Variants in MAGI1 observed in about 807,000 individuals in gnomAD.
The protein encoded by MAGI1 is membrane-associated guanylate kinase, WW and PDZ domain-containing protein 1.
MAGI1 carries 58 observed loss-of-function variants against 139.9 expected under a neutral mutation model. That is an observed-to-expected ratio of 0.41 (90% CI 0.34 to 0.52). The LOEUF is 0.52. Among genes scored for constraint, MAGI1 ranks in the 20% least tolerant of loss-of-function variants. The pLI is 0.12. For missense variants in MAGI1, 1,874 were observed against 1,901.6 expected (o/e 0.99, Z 0.27); for synonymous variants, 812 against 737.9 (o/e 1.10, Z -1.63).
rs548306766 is a variant in MAGI1 at position 65,429,378 on chromosome 3, G to A, written c.2167+142C>T. 7.3e-6 allele frequency: 6 copies of A among 824,424 alleles called. No individual in the cohort carries two copies. In the Admixed American group the frequency reaches 7.8e-5, roughly 11 times the overall value. The allele number at this position is 824,424 out of a possible 1,614,324, so 51.1% of individuals were successfully genotyped here. A position where few individuals can be genotyped will look rare whatever the true frequency, so the allele number is the denominator to read the frequency against. ...AAACCACAATTTTTATGCTAAAGAG[G>A]TTAGTATTTGGAGAAATCAGTAGGC... On this transcript the variant is annotated intron_variant, in intron 12 of 22. Transcript: ENST00000402939.
chr3:65,653,469 G>C (rs2085699677), intron 1 of MAGI1, among the ~76,000 whole-genome samples: 1 of 152,132 alleles, frequency 6.6e-6, no homozygotes, highest in African/African-American at 2.4e-5. Flanking sequence ...CGTGTTATCA[G>C]GACCATGACT....
intron 2 of MAGI1, among the ~76,000 whole-genome samples, chr3:65,545,409 C>G (rs1247913545): frequency 6.6e-6 from 1 of 152,108 alleles, no homozygotes; most frequent in Non-Finnish European, 1.5e-5. Flanking sequence ...AGGACTTCTT[C>G]CTGTATTCTC....
intron 2 of MAGI1, chr3:65,499,124 G>C (rs1455893190): frequency 1.3e-6 from 1 of 761,058 alleles, no homozygotes; most frequent in African/African-American, 1.9e-5. Flanking sequence ...TCCACGATTT[G>C]TTTTAAAAAT....
intron 1 of MAGI1, among the ~76,000 whole-genome samples, chr3:65,985,704 T>C (rs1000515016): frequency 1.3e-5 from 2 of 152,196 alleles, no homozygotes; most frequent in Non-Finnish European, 2.9e-5. Flanking sequence ...TCATATTGTC[T>C]CAGAACAATG....
chr3:65,997,311 G>A (rs951609966), intron 1 of MAGI1, among the ~76,000 whole-genome samples: 2 of 152,138 alleles, frequency 1.3e-5, no homozygotes, highest in East Asian at 3.9e-4. Context: ...TTTATAAAAT[G>A]ATTGCAATGT....
chr3:65,945,800 T>G (rs944779152), intron 1 of MAGI1, among the ~76,000 whole-genome samples: 1 of 152,242 alleles, frequency 6.6e-6, no homozygotes, highest in Non-Finnish European at 1.5e-5. Flanking sequence ...ACCCAATTCG[T>G]GAATCATTCG....
intron 1 of MAGI1, among the ~76,000 whole-genome samples, chr3:65,795,210 G>A (rs2040045470): frequency 6.6e-6 from 1 of 152,132 alleles, no homozygotes; most frequent in Admixed American, 6.6e-5. Flanking sequence ...CATACACTAT[G>A]AACATGTGCA....
At chr3:65,940,095 A>G (rs982418696) in intron 1 of MAGI1, among the ~76,000 whole-genome samples, 1 of 152,196 alleles carries the variant, frequency 6.6e-6, no homozygotes, top group Non-Finnish European at 1.5e-5. Flanking sequence ...GCCAGGAGCT[A>G]GGCTAGGCCG....
intron 1 of MAGI1, among the ~76,000 whole-genome samples, chr3:65,757,545 G>A (rs1300223401): frequency 6.6e-6 from 1 of 152,150 alleles, no homozygotes; most frequent in African/African-American, 2.4e-5. Context: ...GGCTAAGGCA[G>A]GAGAATTGCT....
chr3:65,500,793 G>A (rs567013816), intron 2 of MAGI1, among the ~76,000 whole-genome samples: 1 of 152,294 alleles, frequency 6.6e-6, no homozygotes, highest in Admixed American at 6.5e-5. Flanking sequence ...AATATTCCAT[G>A]ATATCACCTG....
intron 2 of MAGI1, among the ~76,000 whole-genome samples, chr3:65,514,434 T>C (rs1465196369): frequency 3.6e-5 from 5 of 139,372 alleles, no homozygotes; most frequent in African/African-American, 1.4e-4. Context: ...ATATCCAGAA[T>C]CTACAATGAA....
intron 2 of MAGI1, among the ~76,000 whole-genome samples, chr3:65,571,569 GA>G (rs567403477): frequency 1.4e-3 from 208 of 152,030 alleles, no homozygotes; most frequent in African/African-American, 4.7e-3. Flanking sequence ...GGTTTATTCA[GA>G]AAAAGCGATA....
At chr3:65,359,414 C>G (rs144809215) in intron 22 of MAGI1, 1 of 1,240,032 alleles carries the variant, frequency 8.1e-7, no homozygotes, top group East Asian at 3.1e-5. Context: ...CGAATGCATC[C>G]TTTTTTGTTT....
intron 1 of MAGI1, among the ~76,000 whole-genome samples, chr3:65,747,223 A>G (rs1456894146): frequency 6.6e-6 from 1 of 152,234 alleles, no homozygotes; most frequent in African/African-American, 2.4e-5. Flanking sequence ...GGACCCTCTG[A>G]GGAGTCTTAA....
At chr3:65,734,507 G>C (rs1015110036) in intron 1 of MAGI1, among the ~76,000 whole-genome samples, 11 of 150,306 alleles carry the variant, frequency 7.3e-5, no homozygotes, top group Non-Finnish European at 1.6e-4. Flanking sequence ...AAGAGGAAGA[G>C]AGAGAAAGAA....
intron 1 of MAGI1, among the ~76,000 whole-genome samples, chr3:65,865,563 C>A (rs190693218): frequency 2.0e-5 from 3 of 151,550 alleles, no homozygotes; most frequent in African/African-American, 7.2e-5. Context: ...CCACTGCAAT[C>A]CAGGCCTGGG....
At chr3:65,474,136 G>A (rs780663778) in intron 4 of MAGI1, among the ~76,000 whole-genome samples, 8 of 152,120 alleles carry the variant, frequency 5.3e-5, no homozygotes, top group African/African-American at 9.7e-5. Flanking sequence ...GTAGTGGCAC[G>A]TGTCCATAGT....
At chr3:65,745,236 G>T (rs963365310) in intron 1 of MAGI1, among the ~76,000 whole-genome samples, 1 of 152,116 alleles carries the variant, frequency 6.6e-6, no homozygotes, top group Non-Finnish European at 1.5e-5. Flanking sequence ...AGAAACAGAA[G>T]CAGGAAAGAG....
rs556232250 is a variant in MAGI1 at position 65,665,192 on chromosome 3, A to G, written c.314-43104T>C. On this transcript the variant is annotated intron_variant, in intron 1 of 22. Transcript: ENST00000402939. ...TAAAACTTACCAGCCTTACAGAGAA[A>G]ATGGTGTGCTGGATATGCTTCATTC... Among the ~76,000 whole-genome samples, 52 of 152,308 alleles carry G rather than the reference A, an allele frequency of 3.4e-4. 1 individual carries two copies. In the South Asian group the frequency reaches 0.011, roughly 31 times the overall value.
Sources: allele counts gnomAD v4.1 joint callset (sites outside exome capture counted in the v4.1 genomes callset), GRCh38; gene constraint gnomAD v4.1.1; transcripts MANE v1.5; gene names NCBI Gene and HGNC (gene_info 2026-07-23, HGNC 2026-07-21).